FHIT: variants seen among roughly 807,000 people sequenced by gnomAD.
FHIT encodes bis(5'-adenosyl)-triphosphatase.
In FHIT, 19 loss-of-function variants were observed where a neutral mutation model predicts 17.9. The observed-to-expected ratio is 1.06, with a 90% CI of 0.74 to 1.56. The LOEUF is 1.56. FHIT is among the 40% of genes most tolerant of loss of function. The probability of loss-of-function intolerance (pLI) is 0.00; values close to 1 mark genes in which losing one functional copy is unlikely to be tolerated. For synonymous variants in FHIT, 81 were observed against 69.7 expected, an observed-to-expected ratio of 1.16 and a Z score of -0.81; for missense variants, 248 against 189.2, an observed-to-expected ratio of 1.31 and a Z score of -1.82.
rs60433540 is a variant in FHIT, at chr3:60,718,252, C to T, written c.-18+103667G>A. On this transcript the variant is annotated intron_variant, in intron 4 of 9. Transcript: ENST00000492590. ...CTGACTCAGATTTTTAAAAACCATT[C>T]GAAGTTTCATGTTATGCACTTAACA... 3.4e-3 allele frequency among the ~76,000 whole-genome samples: 525 copies of T among 152,218 alleles called. 8 individuals are homozygous for T. The highest frequency in any genetic ancestry group is 0.012 in the African/African-American group (493 of 41,550).
chr3:60,410,041 C>G (rs1702006566), intron 5 of FHIT, among the ~76,000 whole-genome samples: 1 of 152,082 alleles, frequency 6.6e-6, no homozygotes, highest in Admixed American at 6.6e-5. Flanking sequence ...AAGTACAAAT[C>G]TAAGGAAACA....
intron 3 of FHIT, among the ~76,000 whole-genome samples, chr3:60,879,584 A>C (rs1704859695): frequency 1.3e-5 from 2 of 152,232 alleles, no homozygotes; most frequent in African/African-American, 4.8e-5. Context: ...CAAGAAAATC[A>C]ATGAATTGCC....
chr3:59,797,981 G>C (rs1676736706), intron 8 of FHIT, among the ~76,000 whole-genome samples: 1 of 152,116 alleles, frequency 6.6e-6, no homozygotes, highest in African/African-American at 2.4e-5. Context: ...ACTACCACAA[G>C]AACAGTATAT....
At chr3:60,543,907 C>CTTTTTTTTTTTTTTTTTTTTTTTTTTTT (rs71092612) in intron 4 of FHIT, among the ~76,000 whole-genome samples, 4 of 52,062 alleles carry the variant, frequency 7.7e-5, no homozygotes, top group African/African-American at 1.9e-4. Context: ...CCACGCCCGG[C>CTTTTTTTTTTTTTTTTTTTTTTTTTTTT]TTTTTTTTTT....
intron 7 of FHIT, among the ~76,000 whole-genome samples, chr3:59,944,850 C>T (rs1414240002): frequency 6.6e-6 from 1 of 152,146 alleles, no homozygotes; most frequent in Non-Finnish European, 1.5e-5. Context: ...CTGCAGAGGA[C>T]ATGATCTCAT....
intron 5 of FHIT, among the ~76,000 whole-genome samples, chr3:60,302,267 G>T (rs1332148772): frequency 5.3e-5 from 8 of 152,012 alleles, no homozygotes; most frequent in African/African-American, 1.9e-4. Flanking sequence ...TGCAGCTTCT[G>T]ACTAAATGTT....
intron 4 of FHIT, among the ~76,000 whole-genome samples, chr3:60,682,468 G>A (rs1553697166): frequency 1.3e-5 from 2 of 152,138 alleles, no homozygotes; most frequent in African/African-American, 4.8e-5. Flanking sequence ...AAATGCTAAG[G>A]CCCTTAAGAA....
intron 5 of FHIT, among the ~76,000 whole-genome samples, chr3:60,509,193 G>A (rs904735148): frequency 6.6e-6 from 1 of 152,118 alleles, no homozygotes; most frequent in Non-Finnish European, 1.5e-5. Flanking sequence ...GATTCCAAAT[G>A]ATACCAGGAC....
chr3:59,934,127 A>G (rs1262483371), intron 7 of FHIT, among the ~76,000 whole-genome samples: 2 of 152,174 alleles, frequency 1.3e-5, no homozygotes, highest in African/African-American at 2.4e-5. Flanking sequence ...CTCTTACTAT[A>G]TGCCAGGCAC....
In FHIT at chr3:61,014,807, A is replaced by AAAAAATATAT. The variant is rs1553798839; in HGVS notation, c.-111+27239_-111+27240insATATATTTTT. 4.3e-4 allele frequency among the ~76,000 whole-genome samples: 21 copies of AAAAAATATAT among 49,098 alleles called. 1 individual carries two copies. The highest frequency in any genetic ancestry group is 1.1e-3 in the African/African-American group (20 of 18,536). The allele number at this position is 49,098 out of a possible 152,430, so 32.2% of individuals were successfully genotyped here. A position where few individuals can be genotyped will look rare whatever the true frequency, so the allele number is the denominator to read the frequency against. On this transcript the variant is annotated intron_variant, in intron 3 of 9. Transcript: ENST00000492590. ...AAAAAAAAAAAAAAAAAAAAAAAAAAATATATATATATATATATGTATACA... is the reference window on the plus strand; with the variant it reads ...AAAAAAAAAAAAAAAAAAAAAAAAAAAAAAATATATATATATATATATATATATGTATACA...
At chr3:60,355,431 A>G (rs1423129410) in intron 5 of FHIT, among the ~76,000 whole-genome samples, 2 of 152,260 alleles carry the variant, frequency 1.3e-5, no homozygotes, top group East Asian at 1.9e-4. Context: ...TTTGGGTTGC[A>G]TATCAATCCA....
intron 4 of FHIT, among the ~76,000 whole-genome samples, chr3:60,609,325 TTTTA>T (rs1236737648): frequency 1.1e-4 from 15 of 130,928 alleles, no homozygotes; most frequent in African/African-American, 4.2e-4. Flanking sequence ...TTGCTTCCTT[TTTTA>T]TTTATTTTTT....
Position 60,449,402 on chromosome 3 carries a change from AT to A in FHIT, c.103+87457del, listed in dbSNP as rs376708086. 5.0e-4 allele frequency among the ~76,000 whole-genome samples: 75 copies of A among 150,026 alleles called. 1 individual carries two copies. In the East Asian group the frequency reaches 5.2e-3, roughly 10 times the overall value. ...GCGTAAGTGAAAGCACTTAGAAGTT[AT>A]TCAAATATGACATCATATGCGCATA... On this transcript the variant is annotated intron_variant, in intron 5 of 9. Coordinates refer to ENST00000492590, the MANE Select transcript of FHIT (RefSeq NM_002012.4).
chr3:61,006,268 GA>G (rs1418400100), intron 3 of FHIT, among the ~76,000 whole-genome samples: 16 of 152,268 alleles, frequency 1.1e-4, no homozygotes, highest in Admixed American at 7.2e-4. Context: ...GATGCCAAAA[GA>G]AGACTCAGAA....
chr3:60,358,525 T>G (rs1045305272), intron 5 of FHIT, among the ~76,000 whole-genome samples: 1 of 152,236 alleles, frequency 6.6e-6, no homozygotes, highest in Non-Finnish European at 1.5e-5. Context: ...ATTATGATCA[T>G]TGAGCAAATA....
intron 4 of FHIT, among the ~76,000 whole-genome samples, chr3:60,713,150 A>G (rs1553705632): frequency 6.6e-6 from 1 of 152,198 alleles, no homozygotes; most frequent in African/African-American, 2.4e-5. Flanking sequence ...ACTACATGGA[A>G]ACTGAACAAC....
chr3:61,180,252 T>C (rs1242783340), intron 2 of FHIT, among the ~76,000 whole-genome samples: 1 of 152,204 alleles, frequency 6.6e-6, no homozygotes, highest in Non-Finnish European at 1.5e-5. Flanking sequence ...AAATGTTTGC[T>C]GGGATGTAAG....
chr3:60,628,826 G>C (rs1247239113), intron 4 of FHIT, among the ~76,000 whole-genome samples: 6 of 152,132 alleles, frequency 3.9e-5, no homozygotes, highest in African/African-American at 1.4e-4. Flanking sequence ...CTTATGGACT[G>C]CTTCTACCCC....
chr3:60,409,623 T>C (rs1250583961), intron 5 of FHIT, among the ~76,000 whole-genome samples: 1 of 152,206 alleles, frequency 6.6e-6, no homozygotes, highest in Admixed American at 6.6e-5. Context: ...AGTGATCTAG[T>C]TACAGTTTAC....
Sources: gnomAD v4.1 joint callset for allele counts (sites outside exome capture counted in the v4.1 genomes callset) on GRCh38, gnomAD v4.1.1 for gene constraint, MANE v1.5 for transcripts, NCBI Gene and HGNC (gene_info 2026-07-23, HGNC 2026-07-21) for gene names.